DACH1: variants seen among roughly 807,000 people sequenced by gnomAD.
The protein encoded by DACH1 is dachshund family transcription factor 1.
A neutral mutation model predicts 54.2 loss-of-function variants in DACH1; 12 were observed. The ratio of observed to expected loss-of-function variants is 0.22; its 90% CI spans 0.14 to 0.36. The LOEUF is 0.36. Ranked by LOEUF, DACH1 falls within the 10% of genes least tolerant of loss-of-function variation. The pLI, the probability that DACH1 is intolerant of heterozygous loss-of-function variation, is 1.00. For synonymous variants in DACH1, 386 were observed against 366.2 expected (o/e 1.05, Z -0.62); for missense variants, 805 against 929.8 (o/e 0.87, Z 1.75).
At chr13:71,699,782 A>G (rs1486489159) in intron 1 of DACH1, among the ~76,000 whole-genome samples, 1 of 152,208 alleles carries the variant, frequency 6.6e-6, no homozygotes, top group Non-Finnish European at 1.5e-5. Context: ...GGTCTTATTT[A>G]TAGGAACGCA....
chr13:71,696,930 G>T (rs1459188418), intron 1 of DACH1, among the ~76,000 whole-genome samples: 1 of 152,136 alleles, frequency 6.6e-6, no homozygotes, highest in African/African-American at 2.4e-5. Flanking sequence ...TCTCTAAAAA[G>T]AATTGAATGT....
chr13:71,499,624 T>C (rs1180616459), intron 6 of DACH1, among the ~76,000 whole-genome samples: 1 of 152,220 alleles, frequency 6.6e-6, no homozygotes, highest in East Asian at 1.9e-4. Flanking sequence ...ATATGCCTGC[T>C]ATGAGGCTTT....
chr13:71,735,207 CGTATATGGGATATACATAT>C (rs1473670380), intron 1 of DACH1, among the ~76,000 whole-genome samples: 6 of 148,462 alleles, frequency 4.0e-5, no homozygotes, highest in African/African-American at 1.5e-4. Context: ...ATGGGATACA[CGTATATGGGATATACATAT>C]GTATATGGGA....
At chr13:71,462,919 A>ACAC (rs1876223508) in intron 10 of DACH1, among the ~76,000 whole-genome samples, 1 of 137,660 alleles carries the variant, frequency 7.3e-6, no homozygotes, top group African/African-American at 2.6e-5. Context: ...CACACACATA[A>ACAC]ACCATGAATA....
intron 1 of DACH1, among the ~76,000 whole-genome samples, chr13:71,748,863 TTTCTTTCTTTCTTTCTTTCTTTC>T (rs1353860881): frequency 1.6e-3 from 37 of 23,500 alleles, no homozygotes; most frequent in Non-Finnish European, 2.4e-3. Context: ...TCTTTCTTTC[TTTCTTTCTTTCTTTCTTTCTTTC>T]TTTCTTTCTT....
chr13:71,720,789 A>G (rs554745743), intron 1 of DACH1, among the ~76,000 whole-genome samples: 1 of 152,274 alleles, frequency 6.6e-6, no homozygotes, highest in African/African-American at 2.4e-5. Flanking sequence ...TATGTTCTCT[A>G]AACTTTACTT....
intron 2 of DACH1, among the ~76,000 whole-genome samples, chr13:71,658,319 G>C (rs1273623809): frequency 6.6e-6 from 1 of 152,162 alleles, no homozygotes; most frequent in African/African-American, 2.4e-5. Flanking sequence ...GGAAGCTGAG[G>C]CGGGTGGATC....
intron 1 of DACH1, among the ~76,000 whole-genome samples, chr13:71,778,120 A>G (rs1392317507): frequency 6.6e-6 from 1 of 150,626 alleles, no homozygotes; most frequent in Non-Finnish European, 1.5e-5. Context: ...ATAAATAAAT[A>G]AATAAATAAA....
chr13:71,664,052 CA>C (rs993071926), intron 2 of DACH1, among the ~76,000 whole-genome samples: 5 of 151,638 alleles, frequency 3.3e-5, no homozygotes, highest in Non-Finnish European at 7.4e-5. Context: ...GAATACATGT[CA>C]AAAAAAATCA....
At chr13:71,488,017 G>A (rs933669636) in intron 7 of DACH1, among the ~76,000 whole-genome samples, 10 of 152,032 alleles carry the variant, frequency 6.6e-5, no homozygotes, top group African/African-American at 2.4e-4. Context: ...AATTACATTA[G>A]TATTAAAAAA....
intron 4 of DACH1, among the ~76,000 whole-genome samples, chr13:71,563,583 T>C (rs1240401830): frequency 6.6e-6 from 1 of 151,908 alleles, no homozygotes; most frequent in Non-Finnish European, 1.5e-5. Flanking sequence ...TTGTCTGTGA[T>C]CATCCCTTTA....
intron 6 of DACH1, among the ~76,000 whole-genome samples, chr13:71,546,810 T>C (rs1349911751): frequency 6.6e-6 from 1 of 152,000 alleles, no homozygotes; most frequent in Non-Finnish European, 1.5e-5. Context: ...CTAAAAACAA[T>C]TGAATACTTA....
chr13:71,594,436 A>G (rs1873949747), intron 3 of DACH1, among the ~76,000 whole-genome samples: 3 of 152,116 alleles, frequency 2.0e-5, no homozygotes, highest in Admixed American at 2.0e-4. Context: ...TATTACATCA[A>G]TGGAAATTTC....
chr13:71,497,627 C>T (rs1335565521), intron 6 of DACH1, among the ~76,000 whole-genome samples: 2 of 152,068 alleles, frequency 1.3e-5, no homozygotes, highest in Non-Finnish European at 2.9e-5. Flanking sequence ...CCACTGCGCC[C>T]CTGCTCTAAG....
intron 1 of DACH1, among the ~76,000 whole-genome samples, chr13:71,766,024 C>G (rs1273701489): frequency 6.6e-6 from 1 of 151,768 alleles, no homozygotes; most frequent in African/African-American, 2.4e-5. Flanking sequence ...GTAGCTGGGA[C>G]AACAGGCGCC....
intron 6 of DACH1, among the ~76,000 whole-genome samples, chr13:71,532,108 T>C (rs1882458610): frequency 6.6e-6 from 1 of 151,970 alleles, no homozygotes; most frequent in Non-Finnish European, 1.5e-5. Flanking sequence ...AGGTCTCTGA[T>C]AACCAAATAA....
intron 1 of DACH1, 96 bp downstream of exon 1, chr13:71,865,797 CCGCGCTCGCCGGGGCGCGCGGCTCGCGGG>C: frequency 5.4e-6 from 7 of 1,302,718 alleles, no homozygotes; most frequent in Non-Finnish European, 6.8e-6. Flanking sequence ...GAGGAGAGGG[CCGCGCTCGCCGGGGCGCGCGGCTCGCGGG>C]CGCGCAGAGC....
chr13:71,564,462 A>T (rs1354778050), intron 4 of DACH1, among the ~76,000 whole-genome samples: 8 of 150,508 alleles, frequency 5.3e-5, no homozygotes, highest in Non-Finnish European at 1.0e-4. Flanking sequence ...TAAGAGGAGC[A>T]CTCTTTCACT....
At chr13:71,646,677 C>A (rs1344324700) in intron 2 of DACH1, among the ~76,000 whole-genome samples, 19 of 152,100 alleles carry the variant, frequency 1.2e-4, no homozygotes, top group Admixed American at 1.2e-3. Flanking sequence ...AAAAGTAATT[C>A]TTATATACCA....
Sources: allele counts gnomAD v4.1 joint callset (sites outside exome capture counted in the v4.1 genomes callset), GRCh38; gene constraint gnomAD v4.1.1; transcripts MANE v1.5; gene names NCBI Gene and HGNC (gene_info 2026-07-23, HGNC 2026-07-21).